CLNK: variants seen among roughly 807,000 people sequenced by gnomAD.
The protein encoded by CLNK is cytokine-dependent hematopoietic cell linker.
Under a neutral mutation model 68.6 loss-of-function variants are expected in CLNK, and 74 were observed. The ratio of observed to expected loss-of-function variants is 1.08; its 90% CI spans 0.89 to 1.31. The LOEUF (loss-of-function observed/expected upper bound fraction) is 1.31, where lower values mean the gene tolerates loss of function less well. Among genes scored for constraint, CLNK ranks in the 50% most tolerant of loss-of-function variants. The pLI, the probability that CLNK is intolerant of heterozygous loss-of-function variation, is 0.00. For missense variants in CLNK, 553 were observed against 515.3 expected (o/e 1.07, Z -0.71); for synonymous variants, 198 against 172.2 (o/e 1.15, Z -1.17).
intron 12 of CLNK, among the ~76,000 whole-genome samples, chr4:10,529,427 T>C (rs556917359): frequency 3.6e-4 from 55 of 152,344 alleles, no homozygotes; most frequent in Admixed American, 7.8e-4. Context: ...CCAGCTCTCC[T>C]GACTCATAGT....
At chr4:10,527,946 TCA>T in intron 13 of CLNK, 128 bp downstream of exon 13, 1 of 421,458 alleles carries the variant, frequency 2.4e-6, no homozygotes, top group Non-Finnish European at 4.1e-6. Context: ...ACGTCATCGT[TCA>T]CACACATACA....
intron 6 of CLNK, 144 bp from the exon 7 acceptor site, chr4:10,564,921 G>A: frequency 1.6e-6 from 1 of 632,296 alleles, no homozygotes. Flanking sequence ...TAACAGAGTA[G>A]GAGACTGACG....
At chr4:10,497,725 T>G (rs1368904238) in intron 18 of CLNK, among the ~76,000 whole-genome samples, 1 of 152,232 alleles carries the variant, frequency 6.6e-6, no homozygotes, top group African/African-American at 2.4e-5. Flanking sequence ...TCAGTTTCCT[T>G]GCCAGTAAAT....
the CLNK span, among the ~76,000 whole-genome samples, chr4:10,734,198 A>T: frequency 2.0e-5 from 3 of 152,208 alleles, no homozygotes; most frequent in African/African-American, 7.2e-5. Flanking sequence ...TAAGGAACTG[A>T]TTCCCAATCG....
intron 1 of CLNK, among the ~76,000 whole-genome samples, chr4:10,675,059 G>A (rs929119547): frequency 6.6e-6 from 1 of 152,208 alleles, no homozygotes; most frequent in Admixed American, 6.5e-5. Flanking sequence ...CTAGATGATG[G>A]GTTGGATGGA....
At chr4:10,645,790 TAAC>T (rs1723485063) in intron 2 of CLNK, among the ~76,000 whole-genome samples, 1 of 152,188 alleles carries the variant, frequency 6.6e-6, no homozygotes, top group Non-Finnish European at 1.5e-5. Flanking sequence ...AAATTAGAGT[TAAC>T]AATAATTTAT....
rs143410226 is a variant in CLNK at position 10,621,718 on chromosome 4, C to A, written c.12-23669G>T. On this transcript the variant is annotated intron_variant, in intron 2 of 18. Coordinates refer to ENST00000226951, the MANE Select transcript of CLNK (RefSeq NM_052964.4). ...AGGATGATGCGTGTGCTGCAAAATG[C>A]AGGACAATTCACTTTCCAGGTGGGG... Among the ~76,000 whole-genome samples, 365 of 152,292 alleles carry A rather than the reference C, an allele frequency of 2.4e-3. 1 individual carries two copies. Among genetic ancestry groups the A allele is most frequent in the African/African-American group, 8.4e-3 (347 of 41,546 alleles).
rs371039898 is a variant in CLNK at position 10,612,043 on chromosome 4, C to T, written c.12-13994G>A. ...CTGCATGTCACAGCCAGTATTCCCA[C>T]AATGTCTACAATGAAAAGGTGCATA... On this transcript the variant is annotated intron_variant, in intron 2 of 18. Coordinates refer to ENST00000226951, the MANE Select transcript of CLNK (RefSeq NM_052964.4). Among the ~76,000 whole-genome samples the T allele has an allele frequency of 7.7e-4, 117 of 152,364 alleles. 1 individual carries two copies. Among genetic ancestry groups the T allele is most frequent in the African/African-American group, 2.0e-3 (83 of 41,588 alleles).
chr4:10,716,276 T>C, the CLNK span, among the ~76,000 whole-genome samples: 1 of 152,148 alleles, frequency 6.6e-6, no homozygotes, highest in Non-Finnish European at 1.5e-5. Flanking sequence ...ATCAAGTAAA[T>C]AGGATAATAA....
chr4:10,577,935 A>G (rs1428697857), intron 4 of CLNK, among the ~76,000 whole-genome samples: 1 of 152,176 alleles, frequency 6.6e-6, no homozygotes, highest in African/African-American at 2.4e-5. Context: ...CATGTATTTC[A>G]TGGGAGCTGA....
chr4:10,620,969 G>C (rs1722427461), intron 2 of CLNK, among the ~76,000 whole-genome samples: 1 of 149,300 alleles, frequency 6.7e-6, no homozygotes, highest in South Asian at 2.1e-4. Flanking sequence ...AATTAGCCCG[G>C]CGTAGTGGTG....
the CLNK span, among the ~76,000 whole-genome samples, chr4:10,713,253 T>C: frequency 6.6e-6 from 1 of 152,130 alleles, no homozygotes; most frequent in Admixed American, 6.5e-5. Flanking sequence ...AGCTGACCAG[T>C]TGTATGTGGA....
the CLNK span, among the ~76,000 whole-genome samples, chr4:10,727,738 C>T: frequency 0.43 from 65,480 of 151,968 alleles, 14,891 homozygotes; most frequent in East Asian, 0.69. Context: ...ACTAGAGCAA[C>T]GAATAAGTAA....
intron 2 of CLNK, among the ~76,000 whole-genome samples, chr4:10,643,596 G>A (rs1723397850): frequency 6.6e-6 from 1 of 152,230 alleles, no homozygotes; most frequent in Non-Finnish European, 1.5e-5. Context: ...CATAATAACA[G>A]AGGATTGGTA....
chr4:10,511,166 A>C (rs908182731), intron 16 of CLNK, among the ~76,000 whole-genome samples: 7 of 151,948 alleles, frequency 4.6e-5, no homozygotes, highest in African/African-American at 1.7e-4. Context: ...TCTCAAAAAA[A>C]ATTAAAAAAA....
At position 10,516,639 on chromosome 4, in the gene CLNK, G is replaced by A. The variant is rs1235469145; in HGVS notation, c.773-3042C>T. On this transcript the variant is annotated intron_variant, in intron 15 of 18. Transcript: ENST00000226951. Reference sequence around the variant, plus strand: ...ACAATCTTGGCTCACTGCAACGTCTGCCTCCTGGGTTCAAGCAACTCTCCT... The same window carrying A: ...ACAATCTTGGCTCACTGCAACGTCTACCTCCTGGGTTCAAGCAACTCTCCT... 2.0e-5 allele frequency among the ~76,000 whole-genome samples: 3 copies of A among 150,864 alleles called. No homozygotes were observed. The East Asian group carries it at 5.9e-4, about 29-fold the overall frequency.
chr4:10,562,251 G>A (rs1265990589), intron 7 of CLNK, among the ~76,000 whole-genome samples: 1 of 151,608 alleles, frequency 6.6e-6, no homozygotes, highest in Non-Finnish European at 1.5e-5. Flanking sequence ...GAAATACTGT[G>A]TTTTCTATGT....
At chr4:10,712,122 T>G in the CLNK span, among the ~76,000 whole-genome samples, 9 of 152,162 alleles carry the variant, frequency 5.9e-5, no homozygotes, top group African/African-American at 2.2e-4. Context: ...TAAGGAGAAT[T>G]TTTTTGAATA....
At chr4:10,492,726 T>C (rs1324625208) in intron 18 of CLNK, among the ~76,000 whole-genome samples, 1 of 152,028 alleles carries the variant, frequency 6.6e-6, no homozygotes, top group East Asian at 1.9e-4. Context: ...GGAGGGGGTG[T>C]GTGAAGAGCA....
Sources: gnomAD v4.1 joint callset for allele counts (sites outside exome capture counted in the v4.1 genomes callset) on GRCh38, gnomAD v4.1.1 for gene constraint, MANE v1.5 for transcripts, NCBI Gene and HGNC (gene_info 2026-07-23, HGNC 2026-07-21) for gene names.